Variants in GALR2 observed in about 807,000 individuals in gnomAD.
GALR2 encodes galanin receptor type 2.
GALR2 carries 5 observed loss-of-function variants against 7.2 expected under a neutral mutation model. The observed-to-expected ratio is 0.69, with a 90% CI of 0.36 to 1.45. The LOEUF (loss-of-function observed/expected upper bound fraction) is 1.45, where lower values mean the gene tolerates loss of function less well. Ranked by LOEUF, GALR2 falls within the 40% of genes most tolerant of loss-of-function variation. The pLI is 0.03. For missense variants in GALR2, 561 were observed against 555.7 expected (o/e 1.01, Z -0.10); for synonymous variants, 300 against 263.9 (o/e 1.14, Z -1.32).
In GALR2 at chr17:76,075,192, C is replaced by T. The variant is rs1455273840; in HGVS notation, c.309C>T (p.Phe103=). The change falls in exon 1 of 2, where the codon TTC becomes TTT. Residue 103 remains phenylalanine, a synonymous_variant. Transcript: ENST00000329003. This position sits in a 1 kb window ranked among gnomAD's most constrained non-coding sequence, Gnocchi z 5.9. ...FGSLLCKAVH[F]LIFLTMHASS... ...CGCTGCTGTGCAAGGCGGTGCACTT[C>T]CTCATCTTCCTCACCATGCACGCCA... 6.2e-7 allele frequency: 1 copy of T among 1,610,298 alleles called. No homozygotes were observed. The highest frequency in any genetic ancestry group is 2.2e-5 in the East Asian group (1 of 44,892).
rs560219656 is a variant in GALR2 at position 76,076,358 on chromosome 17, T to C, written c.369-278T>C. 6.6e-6 allele frequency among the ~76,000 whole-genome samples: 1 copy of C among 152,316 alleles called. No individual in the cohort carries two copies. Among genetic ancestry groups the C allele is most frequent in the South Asian group, 2.1e-4 (1 of 4,830 alleles). On this transcript the variant is annotated intron_variant, in intron 1 of 1. Transcript: ENST00000329003. This position sits in a 1 kb window ranked among gnomAD's most constrained non-coding sequence, Gnocchi z 6.5. ...GTGCCCTCTCAGTGGAGACTGTGGT[T>C]GCAGTCCCCGGGGGCAGCGGGAGAA...
At chr17:76,073,475 T>A (rs1204761145), upstream of GALR2, among the ~76,000 whole-genome samples, 3 of 132,808 alleles carry the variant, frequency 2.3e-5, no homozygotes, top group African/African-American at 8.8e-5. Context: ...TTTGTATTTT[T>A]AGTGGAGACG....
At chr17:76,072,247 C>G, upstream of GALR2, 2 of 1,600,554 alleles carry the variant, frequency 1.2e-6, no homozygotes, top group Non-Finnish European at 8.5e-7. This position sits in a 1 kb window ranked among gnomAD's most constrained non-coding sequence, Gnocchi z 4.5. Context: ...GCCTCTCCCG[C>G]CCCCAGCCCT....
chr17:76,074,438 C>CGGAGTG (rs1407229160), upstream of GALR2, among the ~76,000 whole-genome samples: 1 of 152,254 alleles, frequency 6.6e-6, no homozygotes, highest in Admixed American at 6.5e-5. This position sits in a 1 kb window ranked among gnomAD's most constrained non-coding sequence, Gnocchi z 6.7. Flanking sequence ...CAGGGAAGCG[C>CGGAGTG]CGAGGCGCGC....
At chr17:76,072,292 G>T (rs1254237643), upstream of GALR2, 1 of 1,608,000 alleles carries the variant, frequency 6.2e-7, no homozygotes, top group Admixed American at 1.7e-5. The surrounding 1 kb of genome is among the most constrained non-coding windows in gnomAD (Gnocchi z 4.5). Context: ...AGTTAGGCCC[G>T]ATTACTCTAG....
upstream of GALR2, chr17:76,072,650 C>T (rs1269632460): frequency 1.5e-6 from 2 of 1,366,266 alleles, no homozygotes. The surrounding 1 kb of genome is among the most constrained non-coding windows in gnomAD (Gnocchi z 4.5). Flanking sequence ...CGCGCCTGCG[C>T]GAGGGATCCT....
At position 76,077,211 on chromosome 17, in the gene GALR2, C is replaced by T; in HGVS notation, c.944C>T (p.Pro315Leu). 6.2e-7 allele frequency: 1 copy of T among 1,608,202 alleles called. No homozygotes were observed. The highest frequency in any genetic ancestry group is 8.5e-7 in the Non-Finnish European group (1 of 1,178,132). The change falls in exon 2 of 2, where the codon CCA becomes CTA. Residue 315 changes from proline (P) to leucine (L), a missense_variant. Transcript: ENST00000329003. ...TICAGLLGRA[P>L]GRASGRVCAA... is the part of the protein sequence containing the mutation. ...TGCGCGGGCCTGCTGGGCCGTGCCC[C>T]AGGCCGAGCCTCGGGCCGTGTGTGC...
At position 76,077,473 on chromosome 17, in the gene GALR2, CATT is replaced by C; in HGVS notation, c.*43_*45del. 1 of 1,417,458 alleles carries C rather than the reference CATT, an allele frequency of 7.1e-7. No individual in the cohort carries two copies. The highest frequency in any genetic ancestry group is 1.5e-5 in the South Asian group (1 of 67,332). 87.8% of individuals were successfully genotyped at this position (1,417,458 alleles called of 1,614,324 possible). On this transcript the variant is annotated 3_prime_UTR_variant, in exon 2 of 2. Transcript: ENST00000329003. ...CGCTGGGATGTCACAGAGTTGGAGT[CATT>C]GTTGGGGGACCGTGGGGAGAGCTTT...
Position 76,077,069 on chromosome 17 carries a change from C to T in GALR2, c.802C>T (p.Arg268Cys). Residue 268 changes from arginine (R) to cysteine (C), a missense_variant, in exon 2 of 2, where the codon CGC becomes TGC. By Grantham distance (180) the Arg-to-Cys change is radical. Coordinates refer to ENST00000329003, the MANE Select transcript of GALR2 (RefSeq NM_003857.4). ...CVWFGQFPLT[R>C]ATYALRILSH... ...GTGGTTCGGCCAGTTCCCGCTCACG[C>T]GCGCCACTTATGCGCTTCGCATCCT... 6.2e-7 allele frequency: 1 copy of T among 1,613,056 alleles called. No homozygotes were observed. Among genetic ancestry groups the T allele is most frequent in the Non-Finnish European group, 8.5e-7 (1 of 1,179,908 alleles).
In GALR2 at chr17:76,077,080, T is replaced by G. The variant is rs140309278; in HGVS notation, c.813T>G (p.Tyr271Ter). 2.5e-6 allele frequency: 4 copies of G among 1,613,064 alleles called. No individual in the cohort carries two copies. The highest frequency in any genetic ancestry group is 4.5e-5 in the East Asian group (2 of 44,884). Residue 271 changes from tyrosine (Y) to a stop codon, truncating the protein, a stop_gained, in exon 2 of 2, where the codon TAT (tyrosine) becomes TAG (stop). Coordinates refer to ENST00000329003, the MANE Select transcript of GALR2 (RefSeq NM_003857.4). LOFTEE classifies it low-confidence loss of function (END_TRUNC). ...AGTTCCCGCTCACGCGCGCCACTTA[T>G]GCGCTTCGCATCCTCTCGCACCTGG... Reference protein sequence around the residue: ...FGQFPLTRATYALRILSHLVS... With the variant: ...FGQFPLTRAT
upstream of GALR2, chr17:76,072,662 T>C (rs781049741): frequency 1.5e-6 from 2 of 1,314,048 alleles, no homozygotes; most frequent in South Asian, 3.2e-5. The surrounding 1 kb of genome is among the most constrained non-coding windows in gnomAD (Gnocchi z 4.5). Flanking sequence ...AGGGATCCTG[T>C]CATCCCGGGT....
Position 76,077,447 on chromosome 17 carries a change from G to A in GALR2, c.*16G>A, listed in dbSNP as rs1313673455. 2.1e-6 allele frequency: 3 copies of A among 1,441,940 alleles called. No individual in the cohort carries two copies. The highest frequency in any genetic ancestry group is 5.0e-5 in the East Asian group (2 of 39,914). The allele number at this position is 1,441,940 out of a possible 1,614,324, so 89.3% of individuals were successfully genotyped here. A position where few individuals can be genotyped will look rare whatever the true frequency, so the allele number is the denominator to read the frequency against. The stretch of plus-strand genomic sequence containing the variant: ...TGTGGCCTGAAAGCACTTAGCGGGC[G>A]CGCTGGGATGTCACAGAGTTGGAGT... On this transcript the variant is annotated 3_prime_UTR_variant, in exon 2 of 2. Coordinates refer to ENST00000329003, the MANE Select transcript of GALR2 (RefSeq NM_003857.4).
Position 76,077,459 on chromosome 17 carries a change from C to G in GALR2, c.*28C>G. 1 of 1,439,342 alleles carries G rather than the reference C, an allele frequency of 6.9e-7. No homozygotes were observed. 89.2% of individuals were successfully genotyped at this position (1,439,342 alleles called of 1,614,324 possible). On this transcript the variant is annotated 3_prime_UTR_variant, in exon 2 of 2. Coordinates refer to ENST00000329003, the MANE Select transcript of GALR2 (RefSeq NM_003857.4). ...GCACTTAGCGGGCGCGCTGGGATGT[C>G]ACAGAGTTGGAGTCATTGTTGGGGG...
chr17:76,072,199 C>T (rs908705042), upstream of GALR2: 44 of 1,572,258 alleles, frequency 2.8e-5, no homozygotes, highest in Non-Finnish European at 3.6e-5. The surrounding 1 kb of genome is among the most constrained non-coding windows in gnomAD (Gnocchi z 4.5). Flanking sequence ...GAAACTGCAA[C>T]CCTCGGCCTC....
rs1178819343 is a variant in GALR2 at position 76,077,368 on chromosome 17, T to C, written c.1101T>C (p.Cys367=). ...GASQPCILEP[C]PGPSWQGPKA... ...CCCAGCCATGCATCCTCGAGCCCTG[T>C]CCTGGCCCGTCCTGGCAGGGCCCAA... Residue 367 remains cysteine (C), a synonymous_variant, in exon 2 of 2, where the codon TGT becomes TGC. Transcript: ENST00000329003. The C allele has an allele frequency of 1.4e-6, 2 of 1,455,698 alleles. No individual in the cohort carries two copies. The highest frequency in any genetic ancestry group is 1.8e-6 in the Non-Finnish European group (2 of 1,108,012). 90.2% of individuals were successfully genotyped at this position (1,455,698 alleles called of 1,614,324 possible). A position where few individuals can be genotyped will look rare whatever the true frequency, so the allele number is the denominator to read the frequency against.
rs1362862321 is a variant in GALR2 at position 76,077,032 on chromosome 17, C to T, written c.765C>T (p.Leu255=). The T allele has an allele frequency of 6.2e-7, 1 of 1,612,750 alleles. No individual in the cohort carries two copies. The highest frequency in any genetic ancestry group is 1.1e-5 in the South Asian group (1 of 91,086). The change falls in exon 2 of 2, where the codon CTC becomes CTT. Residue 255 remains leucine, a synonymous_variant. Coordinates refer to ENST00000329003, the MANE Select transcript of GALR2 (RefSeq NM_003857.4). ...TCTGCTGGATGCCCCACCACGCGCTCATCCTCTGCGTGTGGTTCGGCCAGT... is the reference window on the plus strand; with the variant it reads ...TCTGCTGGATGCCCCACCACGCGCTTATCCTCTGCGTGTGGTTCGGCCAGT... ...FCLCWMPHHA[L]ILCVWFGQFP...
rs1188693670 is a variant in GALR2 at position 76,074,880 on chromosome 17, C to T, written c.-4C>T. 4.0e-6 allele frequency: 6 copies of T among 1,508,820 alleles called. No individual in the cohort carries two copies. In the Admixed American group the frequency reaches 8.2e-5, roughly 21 times the overall value. 93.5% of individuals were successfully genotyped at this position (1,508,820 alleles called of 1,614,324 possible). A position where few individuals can be genotyped will look rare whatever the true frequency, so the allele number is the denominator to read the frequency against. Reference sequence around the variant, plus strand: ...GCCCGGGCAGCCTCGGGGTCAGCGGCACCATGAACGTCTCGGGCTGCCCAG... The same window carrying T: ...GCCCGGGCAGCCTCGGGGTCAGCGGTACCATGAACGTCTCGGGCTGCCCAG... On this transcript the variant is annotated 5_prime_UTR_variant, in exon 1 of 2. Coordinates refer to ENST00000329003, the MANE Select transcript of GALR2 (RefSeq NM_003857.4). The surrounding 1 kb of genome is among the most constrained non-coding windows in gnomAD (Gnocchi z 6.7).
chr17:76,076,951 G>A lies in GALR2; in HGVS notation c.684G>A (p.Arg228=), dbSNP rs1247447680. 6.2e-7 allele frequency: 1 copy of A among 1,602,484 alleles called. No individual in the cohort carries two copies. Among genetic ancestry groups the A allele is most frequent in the Non-Finnish European group, 8.5e-7 (1 of 1,178,478 alleles). ...CGGTGGCCGCGGGCTCGGGTGCCCGGCGCGCCAAGCGCAAGGTGACACGCA... is the reference window on the plus strand; with the variant it reads ...CGGTGGCCGCGGGCTCGGGTGCCCGACGCGCCAAGCGCAAGGTGACACGCA... The part of the protein sequence containing the change: ...VDPVAAGSGA[R]RAKRKVTRMI... The change falls in exon 2 of 2, where the codon CGG becomes CGA. Residue 228 remains arginine, a synonymous_variant. Transcript: ENST00000329003. The surrounding 1 kb of genome is among the most constrained non-coding windows in gnomAD (Gnocchi z 6.5).
chr17:76,075,336 C>T lies in GALR2; in HGVS notation c.368+85C>T. The T allele has an allele frequency of 2.1e-6, 3 of 1,410,808 alleles. No homozygotes were observed. The highest frequency in any genetic ancestry group is 2.6e-5 in the South Asian group (2 of 78,020). The allele number at this position is 1,410,808 out of a possible 1,614,324, so 87.4% of individuals were successfully genotyped here. ...GGCGGGACTGGGGACCAAGAAGGGACGCGCAGAGTGGGACAGGACACTAAG... is the reference window on the plus strand; with the variant it reads ...GGCGGGACTGGGGACCAAGAAGGGATGCGCAGAGTGGGACAGGACACTAAG... On this transcript the variant is annotated intron_variant, in intron 1 of 1. Coordinates refer to ENST00000329003, the MANE Select transcript of GALR2 (RefSeq NM_003857.4). This position sits in a 1 kb window ranked among gnomAD's most constrained non-coding sequence, Gnocchi z 5.9.
Sources: allele counts gnomAD v4.1 joint callset (sites outside exome capture counted in the v4.1 genomes callset), GRCh38; gene constraint gnomAD v4.1.1; non-coding constraint Gnocchi (gnomAD v3.1); transcripts MANE v1.5; gene names NCBI Gene and HGNC (gene_info 2026-07-23, HGNC 2026-07-21).